Variants in TMTC1 observed in about 807,000 individuals in gnomAD.
TMTC1 encodes protein O-mannosyl-transferase TMTC1.
TMTC1 carries 73 observed loss-of-function variants against 104.8 expected under a neutral mutation model. The observed-to-expected ratio is 0.70, with a 90% CI of 0.58 to 0.85. TMTC1 has a LOEUF of 0.85. Ranked by LOEUF, TMTC1 falls within the 40% of genes least tolerant of loss-of-function variation. The probability of loss-of-function intolerance (pLI) is 0.00; values close to 1 mark genes in which losing one functional copy is unlikely to be tolerated. For missense variants in TMTC1, 1,035 were observed against 1,096.1 expected, an observed-to-expected ratio of 0.94 and a Z score of 0.79; for synonymous variants, 434 against 428.7, an observed-to-expected ratio of 1.01 and a Z score of -0.15.
chr12:29,638,041 C>T (rs1938643512), intron 5 of TMTC1, among the ~76,000 whole-genome samples: 1 of 152,130 alleles, frequency 6.6e-6, no homozygotes, highest in African/African-American at 2.4e-5. Flanking sequence ...TCTACTGATA[C>T]CGCTGACATG....
intron 5 of TMTC1, among the ~76,000 whole-genome samples, chr12:29,671,248 A>C (rs1471232370): frequency 6.6e-6 from 1 of 150,514 alleles, no homozygotes; most frequent in East Asian, 2.0e-4. Context: ...TGCAGTGAGC[A>C]GCGATTGCAC....
chr12:29,720,301 G>A (rs778493902), intron 5 of TMTC1, among the ~76,000 whole-genome samples: 1 of 152,190 alleles, frequency 6.6e-6, no homozygotes, highest in Non-Finnish European at 1.5e-5. Flanking sequence ...GGGAAAGGGA[G>A]CTGAGCACAT....
chr12:29,536,245 A>G lies in TMTC1; in HGVS notation c.1749T>C (p.Asp583=), dbSNP rs1215391980. 1.2e-6 allele frequency: 2 copies of G among 1,613,314 alleles called. No homozygotes were observed. The highest frequency in any genetic ancestry group is 2.2e-5 in the East Asian group (1 of 44,836). The change falls in exon 11 of 18, where the codon GAT becomes GAC. Residue 583 remains aspartate (D), a synonymous_variant. Transcript: ENST00000539277. ...ATAACGAAGCTAAGCTTGAATATGC[A>G]TCTGCAAACTCTGGACCATATTTGA... ...DSIKYGPEFA[D]AYSSLASLLA...
chr12:29,673,461 T>C (rs1362744792), intron 5 of TMTC1, among the ~76,000 whole-genome samples: 2 of 152,180 alleles, frequency 1.3e-5, no homozygotes, highest in Non-Finnish European at 2.9e-5. Context: ...ATGCTTCTTA[T>C]GTTCATATAA....
Position 29,512,093 on chromosome 12 carries a change from G to A in TMTC1, c.2458C>T (p.Pro820Ser), listed in dbSNP as rs1016948836. 1.2e-6 allele frequency: 2 copies of A among 1,613,712 alleles called. No individual in the cohort carries two copies. Among genetic ancestry groups the A allele is most frequent in the Non-Finnish European group, 1.7e-6 (2 of 1,179,892 alleles). ...ESYRVAVQLN[P>S]DQAQAWMNMG... ...TTCATCCAGGCCTGTGCTTGGTCTG[G>A]GTTTAGTTGCACAGCCACTCTATAG... The change falls in exon 17 of 18, where the codon CCA (proline) becomes TCA (serine). Residue 820 changes from proline to serine, a missense_variant. By Grantham distance (74) the Pro-to-Ser change is moderately conservative. Transcript: ENST00000539277.
chr12:29,601,754 G>A (rs529971701), intron 7 of TMTC1, among the ~76,000 whole-genome samples: 18 of 151,630 alleles, frequency 1.2e-4, no homozygotes, highest in Non-Finnish European at 2.5e-4. Flanking sequence ...CTACCTCAGG[G>A]AACTGATATC....
rs971478228 is a variant in TMTC1 at position 29,604,178 on chromosome 12, C to A, written c.1250G>T (p.Ser417Ile). Residue 417 changes from serine (S) to isoleucine (I), a missense_variant and splice_region_variant, in exon 7 of 18, where the codon AGC becomes ATC. Physicochemically the swap from Ser to Ile is moderately radical, Grantham distance 142. Coordinates refer to ENST00000539277, the MANE Select transcript of TMTC1 (RefSeq NM_001193451.2). ...GGAGGAAGTCACGTGCAATAGTTAC[C>A]TAGGCATGTAAAGGACTCTCTCCGC... is the stretch of plus-strand genomic sequence containing the variant. ...VVAERVLYMP[S>I]MGYCILFVHG... 2 of 1,613,570 alleles carry A rather than the reference C, an allele frequency of 1.2e-6. No individual in the cohort carries two copies. The highest frequency in any genetic ancestry group is 1.7e-6 in the Non-Finnish European group (2 of 1,179,670).
intron 5 of TMTC1, among the ~76,000 whole-genome samples, chr12:29,664,487 C>A (rs769360356): frequency 8.5e-5 from 13 of 152,220 alleles, no homozygotes; most frequent in Non-Finnish European, 1.6e-4. Context: ...CCTACCCACA[C>A]CAAAAATAAA....
At chr12:29,728,988 A>C (rs1591983834) in intron 5 of TMTC1, among the ~76,000 whole-genome samples, 1 of 125,318 alleles carries the variant, frequency 8.0e-6, no homozygotes, top group Non-Finnish European at 1.6e-5. Context: ...ACAGTGCAAG[A>C]CTCCATCTCC....
At chr12:29,676,966 A>G (rs938523138) in intron 5 of TMTC1, among the ~76,000 whole-genome samples, 1 of 152,182 alleles carries the variant, frequency 6.6e-6, no homozygotes, top group Non-Finnish European at 1.5e-5. Context: ...AAAATAATAC[A>G]ATTCACATCA....
intron 5 of TMTC1, among the ~76,000 whole-genome samples, chr12:29,720,293 G>A (rs1942202192): frequency 6.6e-6 from 1 of 152,154 alleles, no homozygotes; most frequent in African/African-American, 2.4e-5. Flanking sequence ...TAATCAGTGG[G>A]AAAGGGAGCT....
chr12:29,745,019 G>A lies in TMTC1; in HGVS notation c.938+6647C>T, dbSNP rs543658813. On this transcript the variant is annotated intron_variant, in intron 5 of 17. Transcript: ENST00000539277. The stretch of plus-strand genomic sequence containing the variant: ...TGGCTCACTACAGCCACAAACTCTT[G>A]GACTTAAGCGATCCTCCCACCTCAG... Among the ~76,000 whole-genome samples the A allele has an allele frequency of 1.4e-4, 21 of 152,010 alleles. No individual in the cohort carries two copies. The East Asian group carries it at 4.1e-3, about 29-fold the overall frequency.
intron 3 of TMTC1, among the ~76,000 whole-genome samples, chr12:29,757,388 C>T (rs1403244619): frequency 6.6e-6 from 1 of 152,150 alleles, no homozygotes; most frequent in Non-Finnish European, 1.5e-5. Context: ...CCATGAACAC[C>T]ACTTCAGTTG....
intron 13 of TMTC1, among the ~76,000 whole-genome samples, chr12:29,518,088 T>C (rs891827979): frequency 5.3e-5 from 8 of 152,348 alleles, no homozygotes; most frequent in Non-Finnish European, 1.0e-4. Context: ...CCTATCAATA[T>C]GGAAACTGAG....
Position 29,633,192 on chromosome 12 carries a change from C to A in TMTC1, c.1083G>T (p.Ala361=), listed in dbSNP as rs751275421. The change falls in exon 6 of 18, where the codon GCG becomes GCT. Residue 361 remains alanine (A), a synonymous_variant. Transcript: ENST00000539277. Reference sequence around the variant, plus strand: ...GCAGGCTCAATAAGGCCATCACAACCGCCAGAAAGATGGTGGCTAAGTTCC... The same window carrying A: ...GCAGGCTCAATAAGGCCATCACAACAGCCAGAAAGATGGTGGCTAAGTTCC... The part of the protein sequence containing the change: ...DMRNLATIFL[A]VVMALLSLHC... 1 of 1,613,932 alleles carries A rather than the reference C, an allele frequency of 6.2e-7. No homozygotes were observed. Among genetic ancestry groups the A allele is most frequent in the Non-Finnish European group, 8.5e-7 (1 of 1,179,946 alleles).
At chr12:29,590,946 G>C (rs1246152852) in intron 7 of TMTC1, among the ~76,000 whole-genome samples, 1 of 152,130 alleles carries the variant, frequency 6.6e-6, no homozygotes, top group Non-Finnish European at 1.5e-5. Context: ...TTTTGCCTCA[G>C]CTTCTTCCTT....
Position 29,511,944 on chromosome 12 carries a change from G to A in TMTC1, c.2508+99C>T, listed in dbSNP as rs7315323. 9,499 of 1,182,660 alleles carry A rather than the reference G, an allele frequency of 8.0e-3. 524 individuals carry two copies. In the African/African-American group the frequency reaches 0.12, roughly 15 times the overall value. 73.3% of individuals were successfully genotyped at this position (1,182,660 alleles called of 1,614,324 possible). A position where few individuals can be genotyped will look rare whatever the true frequency, so the allele number is the denominator to read the frequency against. ...TTTGATATTCAAATGATTTCAAAAAGGAAATTAACAATAGTTCCTCAATCC... is the reference window on the plus strand; with the variant it reads ...TTTGATATTCAAATGATTTCAAAAAAGAAATTAACAATAGTTCCTCAATCC... On this transcript the variant is annotated intron_variant, in intron 17 of 17. Transcript: ENST00000539277.
At chr12:29,674,041 G>C (rs142806506) in intron 5 of TMTC1, among the ~76,000 whole-genome samples, 34 of 151,758 alleles carry the variant, frequency 2.2e-4, no homozygotes, top group African/African-American at 8.2e-4. Flanking sequence ...TTACAGGTGT[G>C]AGCCACCACG....
intron 5 of TMTC1, among the ~76,000 whole-genome samples, chr12:29,689,964 T>C (rs1472284726): frequency 2.0e-5 from 3 of 152,184 alleles, no homozygotes; most frequent in African/African-American, 7.2e-5. Flanking sequence ...CCAAGCCCTG[T>C]TACTTAAACA....
Sources: gnomAD v4.1 joint callset for allele counts (sites outside exome capture counted in the v4.1 genomes callset) on GRCh38, gnomAD v4.1.1 for gene constraint, MANE v1.5 for transcripts, NCBI Gene and HGNC (gene_info 2026-07-23, HGNC 2026-07-21) for gene names.